B4GALNT3: variants seen among roughly 807,000 people sequenced by gnomAD.
The protein encoded by B4GALNT3 is beta-1,4-N-acetyl-galactosaminyltransferase 3.
In B4GALNT3, 86 loss-of-function variants were observed where a neutral mutation model predicts 120.2. The observed-to-expected ratio is 0.72, with a 90% confidence interval of 0.60 to 0.86. B4GALNT3 has a LOEUF of 0.86. Among genes scored for constraint, B4GALNT3 ranks in the 40% least tolerant of loss-of-function variants. B4GALNT3 has a pLI of 0.00. For synonymous variants in B4GALNT3, 518 were observed against 510.4 expected (o/e 1.01, Z -0.20); for missense variants, 1,167 against 1,298.9 (o/e 0.90, Z 1.56).
intron 3 of B4GALNT3, among the ~76,000 whole-genome samples, chr12:538,668 A>C (rs951533831): frequency 2.0e-5 from 3 of 152,180 alleles, no homozygotes; most frequent in Non-Finnish European, 2.9e-5. Flanking sequence ...ATAGCTTACA[A>C]AATATTCATT....
At position 547,611 on chromosome 12, in the gene B4GALNT3, G is replaced by A. The variant is rs114284256; in HGVS notation, c.708-413G>A. 3.6e-3 allele frequency among the ~76,000 whole-genome samples: 545 copies of A among 152,268 alleles called. 3 individuals carry two copies. Among genetic ancestry groups the A allele is most frequent in the African/African-American group, 0.012 (518 of 41,552 alleles). On this transcript the variant is annotated intron_variant, in intron 7 of 19. Transcript: ENST00000266383. Reference sequence around the variant, plus strand: ...TGGTGCGTGGTCCCTGGGGCAAGTCGGCCGGCGGAATCCCACCTCCACCCC... The same window carrying A: ...TGGTGCGTGGTCCCTGGGGCAAGTCAGCCGGCGGAATCCCACCTCCACCCC...
At chr12:484,811 A>C (rs906370500) in intron 1 of B4GALNT3, among the ~76,000 whole-genome samples, 2 of 149,942 alleles carry the variant, frequency 1.3e-5, no homozygotes, top group African/African-American at 4.9e-5. Context: ...AAAAAAAAAA[A>C]AAACCACTCG....
intron 1 of B4GALNT3, among the ~76,000 whole-genome samples, chr12:519,559 T>G (rs1946686241): frequency 6.6e-6 from 1 of 151,424 alleles, no homozygotes; most frequent in Admixed American, 6.6e-5. Flanking sequence ...TCTCCTAGTA[T>G]TGGCTCCTTC....
In B4GALNT3 at chr12:558,051, G is replaced by C. The variant is rs143789073; in HGVS notation, c.2570G>C (p.Arg857Pro). ...QYVKLSGNFERSAGLQAGIDL... is the reference protein window; with the variant it reads ...QYVKLSGNFEPSAGLQAGIDL... ...GTGAAGCTAAGTGGAAACTTTGAAC[G>C]CTCAGCTGGACTTCAGGCTGGCATA... Residue 857 changes from arginine (R) to proline (P), a missense_variant, in exon 17 of 20, where the codon CGC becomes CCC. Arg to Pro is a moderately radical substitution (Grantham distance 103). Transcript: ENST00000266383. 6.2e-7 allele frequency: 1 copy of C among 1,613,944 alleles called. No homozygotes were observed. The highest frequency in any genetic ancestry group is 1.6e-4 in the Middle Eastern group (1 of 6,062).
chr12:508,886 C>A (rs1471530899), intron 1 of B4GALNT3, among the ~76,000 whole-genome samples: 2 of 152,218 alleles, frequency 1.3e-5, no homozygotes, highest in African/African-American at 4.8e-5. Flanking sequence ...CAGTAAGGAG[C>A]CAGGGAACCA....
At position 553,975 on chromosome 12, in the gene B4GALNT3, G is replaced by A. The variant is rs780614786; in HGVS notation, c.2052G>A (p.Arg684=). The A allele has an allele frequency of 6.2e-7, 1 of 1,611,314 alleles. No homozygotes were observed. The part of the protein sequence containing the change: ...TRVFLKKLNQ[R]SRGRYQLQRI... ...TCTTCTTGAAGAAGCTCAACCAGAG[G>A]AGCCGGGGGTAAGGTAAAGGGCTCT... Residue 684 remains arginine, a synonymous_variant, in exon 14 of 20, where the codon AGG becomes AGA. Coordinates refer to ENST00000266383, the MANE Select transcript of B4GALNT3 (RefSeq NM_173593.4).
At position 559,371 on chromosome 12, in the gene B4GALNT3, C is replaced by T. The variant is rs753476066; in HGVS notation, c.2838C>T (p.Thr946=). Residue 946 remains threonine (T), a synonymous_variant, in exon 19 of 20, where the codon ACC becomes ACT. Coordinates refer to ENST00000266383, the MANE Select transcript of B4GALNT3 (RefSeq NM_173593.4). The part of the protein sequence containing the change: ...SDLDRIGGMN[T]KEFRDRWGGE... ...TGGACAGGATTGGGGGCATGAACAC[C>T]AAGGAGTTCCGAGACCGCTGGGGCG... 3.1e-6 allele frequency: 5 copies of T among 1,614,018 alleles called. No individual in the cohort carries two copies. The highest frequency in any genetic ancestry group is 4.2e-6 in the Non-Finnish European group (5 of 1,179,964).
chr12:472,523 C>T (rs568290325), intron 1 of B4GALNT3, among the ~76,000 whole-genome samples: 18 of 152,276 alleles, frequency 1.2e-4, no homozygotes, highest in Non-Finnish European at 1.8e-4. Context: ...CTGCAAGCTC[C>T]GCCTCCCGGG....
chr12:469,945 C>A (rs1215178141), intron 1 of B4GALNT3, among the ~76,000 whole-genome samples: 1 of 152,212 alleles, frequency 6.6e-6, no homozygotes, highest in African/African-American at 2.4e-5. Context: ...AGCCACCGCG[C>A]ATGGCCAGTT....
intron 1 of B4GALNT3, among the ~76,000 whole-genome samples, chr12:534,386 C>T (rs1216999476): frequency 2.6e-5 from 4 of 152,148 alleles, no homozygotes; most frequent in African/African-American, 7.2e-5. Context: ...CAGTGGCCGG[C>T]CGCCGGACTG....
chr12:526,497 G>A (rs973135187), intron 1 of B4GALNT3, among the ~76,000 whole-genome samples: 1 of 152,210 alleles, frequency 6.6e-6, no homozygotes, highest in Non-Finnish European at 1.5e-5. Flanking sequence ...CCCTTCGCTA[G>A]GTCCATGGGC....
At chr12:552,750 T>C in intron 13 of B4GALNT3, 1 of 576,516 alleles carries the variant, frequency 1.7e-6, no homozygotes, top group Non-Finnish European at 3.1e-6. Flanking sequence ...CATGCTGGGG[T>C]CAGCTGGAGG....
chr12:546,238 G>A (rs564071927), intron 6 of B4GALNT3, among the ~76,000 whole-genome samples: 2 of 109,034 alleles, frequency 1.8e-5, no homozygotes, highest in East Asian at 6.0e-4. Context: ...AGGGGAGTGG[G>A]GAGGTGGGGA....
At chr12:521,952 A>C (rs1592039338) in intron 1 of B4GALNT3, among the ~76,000 whole-genome samples, 1 of 144,808 alleles carries the variant, frequency 6.9e-6, no homozygotes, top group Non-Finnish European at 1.5e-5. Context: ...GCCCTACTCC[A>C]GGCCCGCTCA....
chr12:483,539 A>C (rs1946261781), intron 1 of B4GALNT3, among the ~76,000 whole-genome samples: 1 of 152,196 alleles, frequency 6.6e-6, no homozygotes, highest in African/African-American at 2.4e-5. Flanking sequence ...TCTACCAAAA[A>C]TACAAAAAAT....
At chr12:511,366 A>G (rs61472199) in intron 1 of B4GALNT3, among the ~76,000 whole-genome samples, 351 of 25,646 alleles carry the variant, frequency 0.014, 1 homozygote, top group African/African-American at 0.035. Context: ...TTCCACCTTC[A>G]ACCTTCCGCC....
chr12:501,211 C>T (rs1054920583), intron 1 of B4GALNT3, among the ~76,000 whole-genome samples: 2 of 152,152 alleles, frequency 1.3e-5, no homozygotes, highest in African/African-American at 4.8e-5. Context: ...TGACAAATTA[C>T]TTAATCAATG....
At chr12:513,534 G>T (rs1347458692) in intron 1 of B4GALNT3, among the ~76,000 whole-genome samples, 1 of 152,188 alleles carries the variant, frequency 6.6e-6, no homozygotes, top group Non-Finnish European at 1.5e-5. Flanking sequence ...CACCATCTTG[G>T]TTTTGGTGGG....
rs369763840 is a variant in B4GALNT3, at chr12:550,967, G to A, written c.1043G>A (p.Cys348Tyr). The change falls in exon 11 of 20, where the codon TGT becomes TAT. Residue 348 changes from cysteine to tyrosine, a missense_variant. Physicochemically the swap from Cys to Tyr is radical, Grantham distance 194. Transcript: ENST00000266383. This position sits in a 1 kb window ranked among gnomAD's most constrained non-coding sequence, Gnocchi z 4.1. ...CATCTCCGCCACGTCCTGCCTGACT[G>A]TCCCTACAAACCCAGCTATCTGGTG... Reference protein sequence around the residue: ...KSHLRHVLPDCPYKPSYLVDG... With the variant: ...KSHLRHVLPDYPYKPSYLVDG... 3 of 1,614,042 alleles carry A rather than the reference G, an allele frequency of 1.9e-6. No individual in the cohort carries two copies. Among genetic ancestry groups the A allele is most frequent in the Middle Eastern group, 1.6e-4 (1 of 6,084 alleles).
Sources: allele counts gnomAD v4.1 joint callset (sites outside exome capture counted in the v4.1 genomes callset), GRCh38; gene constraint gnomAD v4.1.1; non-coding constraint Gnocchi (gnomAD v3.1); transcripts MANE v1.5; gene names NCBI Gene and HGNC (gene_info 2026-07-23, HGNC 2026-07-21).